Variants in TP63 observed in about 807,000 individuals in gnomAD.
The protein encoded by TP63 is tumor protein p63.
In TP63, 17 loss-of-function variants were observed where a neutral mutation model predicts 82.8. That is an observed-to-expected ratio of 0.21 (90% CI 0.14 to 0.31). The LOEUF is 0.31. Among genes scored for constraint, TP63 ranks in the 10% least tolerant of loss-of-function variants. The pLI is 1.00. For synonymous variants in TP63, 330 were observed against 321.7 expected (o/e 1.03, Z -0.28); for missense variants, 648 against 895.3 (o/e 0.72, Z 3.52).
At chr3:189,653,717 G>A (rs865984496) in intron 1 of TP63, among the ~76,000 whole-genome samples, 1 of 152,110 alleles carries the variant, frequency 6.6e-6, no homozygotes. Context: ...TGAATATATG[G>A]CACTCAATCT....
intron 9 of TP63, 33 bp downstream of exon 9, chr3:189,869,439 A>C (rs1718139466): frequency 6.3e-7 from 1 of 1,575,762 alleles, no homozygotes; most frequent in African/African-American, 1.3e-5. Context: ...TGGTTGCTTC[A>C]TTTTAACCTT....
At chr3:189,604,168 A>G in the TP63 span, among the ~76,000 whole-genome samples, 1 of 152,224 alleles carries the variant, frequency 6.6e-6, no homozygotes, top group African/African-American at 2.4e-5. Context: ...TTGCGTGTCC[A>G]TTCCATACTC....
intron 1 of TP63, among the ~76,000 whole-genome samples, chr3:189,698,661 C>A (rs1381677583): frequency 6.6e-6 from 1 of 152,062 alleles, no homozygotes; most frequent in African/African-American, 2.4e-5. Context: ...CATGTATGTT[C>A]TTAGAAGAAT....
chr3:189,887,981 C>T (rs1047198359), intron 11 of TP63, among the ~76,000 whole-genome samples: 19 of 152,022 alleles, frequency 1.2e-4, no homozygotes, highest in East Asian at 1.9e-4. Context: ...CTCAGCCTCC[C>T]GAATAGCTGG....
At chr3:189,806,032 A>G (rs936975115) in intron 3 of TP63, among the ~76,000 whole-genome samples, 10 of 139,142 alleles carry the variant, frequency 7.2e-5, no homozygotes, top group Non-Finnish European at 6.1e-5. Flanking sequence ...AAACAACAGA[A>G]GCAAACACTT....
At chr3:189,612,627 G>T in the TP63 span, among the ~76,000 whole-genome samples, 1 of 152,226 alleles carries the variant, frequency 6.6e-6, no homozygotes, top group African/African-American at 2.4e-5. Context: ...TTGGAACTGG[G>T]TAAGAGGCAG....
At chr3:189,864,144 A>G (rs1407942585) in intron 4 of TP63, 88 bp from the exon 5 acceptor site, 10 of 1,569,814 alleles carry the variant, frequency 6.4e-6, no homozygotes, top group Admixed American at 1.7e-5. Context: ...TAAAAAGTGG[A>G]CAGATTTTCA....
In TP63 at chr3:189,866,805, G is replaced by A. The variant is rs747252606; in HGVS notation, c.882+8G>A. On this transcript the variant is annotated splice_region_variant and intron_variant, in intron 6 of 13. Transcript: ENST00000264731. ...CCTTATGAGCCACCCCAGGTAAAAA[G>A]CAAAAAACCAAACCAAAAAACAACA... 32 of 1,613,530 alleles carry A rather than the reference G, an allele frequency of 2.0e-5. No individual in the cohort carries two copies. In the Admixed American group the frequency reaches 4.8e-4, roughly 24 times the overall value.
chr3:189,774,260 A>G (rs1723609107), intron 3 of TP63, among the ~76,000 whole-genome samples: 1 of 152,204 alleles, frequency 6.6e-6, no homozygotes, highest in South Asian at 2.1e-4. Flanking sequence ...ATTGCTGAAT[A>G]TGAAACAAAA....
At chr3:189,608,298 G>A in the TP63 span, among the ~76,000 whole-genome samples, 2 of 152,172 alleles carry the variant, frequency 1.3e-5, no homozygotes, top group African/African-American at 4.8e-5. Flanking sequence ...TAGAGCATTG[G>A]ATAATGTCTG....
chr3:189,716,942 G>A, intron 1 of TP63, among the ~76,000 whole-genome samples: 1 of 152,014 alleles, frequency 6.6e-6, no homozygotes, highest in South Asian at 2.1e-4. Flanking sequence ...GGGACTACAG[G>A]CGATTGCCAC....
At chr3:189,694,562 A>G (rs1359652836) in intron 1 of TP63, among the ~76,000 whole-genome samples, 1 of 151,980 alleles carries the variant, frequency 6.6e-6, no homozygotes, top group Non-Finnish European at 1.5e-5. Context: ...TGCATTTTTT[A>G]ATGATAAACC....
At chr3:189,743,370 A>C (rs1056493579) in intron 3 of TP63, among the ~76,000 whole-genome samples, 1 of 152,228 alleles carries the variant, frequency 6.6e-6, no homozygotes, top group African/African-American at 2.4e-5. Context: ...GTAGAAATCG[A>C]AATAATACAT....
intron 1 of TP63, among the ~76,000 whole-genome samples, chr3:189,688,913 C>T (rs1324613702): frequency 6.6e-6 from 1 of 151,976 alleles, no homozygotes; most frequent in East Asian, 1.9e-4. Flanking sequence ...ATTTACAGGT[C>T]ATCTTGTATT....
At chr3:189,612,598 C>T in the TP63 span, among the ~76,000 whole-genome samples, 7 of 152,128 alleles carry the variant, frequency 4.6e-5, no homozygotes, top group Admixed American at 6.5e-5. Context: ...AAAAGATATT[C>T]GAAAATGTGG....
chr3:189,838,485 C>T (rs185947669), intron 4 of TP63, among the ~76,000 whole-genome samples: 52 of 152,214 alleles, frequency 3.4e-4, no homozygotes, highest in African/African-American at 1.2e-3. Flanking sequence ...CCGTCTTAAA[C>T]AAATGAACTC....
chr3:189,678,266 G>T (rs1040377294), intron 1 of TP63, among the ~76,000 whole-genome samples: 1 of 152,008 alleles, frequency 6.6e-6, no homozygotes. Flanking sequence ...GTTAATTTTT[G>T]CATATAGTAA....
At chr3:189,864,085 C>G in intron 4 of TP63, 147 bp from the exon 5 acceptor site, 2 of 988,668 alleles carry the variant, frequency 2.0e-6, no homozygotes, top group Non-Finnish European at 3.2e-6. Flanking sequence ...ATAACATTGA[C>G]ATACGTCACA....
chr3:189,751,020 C>G (rs771789623), intron 3 of TP63, among the ~76,000 whole-genome samples: 3 of 152,074 alleles, frequency 2.0e-5, no homozygotes, highest in Non-Finnish European at 2.9e-5. Flanking sequence ...TGCCCTGTGT[C>G]CAAGTGTTCT....
Sources: allele counts gnomAD v4.1 joint callset (sites outside exome capture counted in the v4.1 genomes callset), GRCh38; gene constraint gnomAD v4.1.1; transcripts MANE v1.5; gene names NCBI Gene and HGNC (gene_info 2026-07-23, HGNC 2026-07-21).